The following RNLS variants were observed in gnomAD, a reference collection of about 807,000 sequenced individuals.
The protein encoded by RNLS is renalase.
In RNLS, 39 loss-of-function variants were observed where a neutral mutation model predicts 39.8. The observed-to-expected ratio is 0.98, with a 90% confidence interval of 0.76 to 1.28. The LOEUF is 1.28. RNLS is among the 50% of genes most tolerant of loss of function. RNLS has a pLI of 0.00. For missense variants in RNLS, 410 were observed against 413.3 expected (o/e 0.99, Z 0.07); for synonymous variants, 147 against 150.7 (o/e 0.98, Z 0.18).
intron 4 of RNLS, among the ~76,000 whole-genome samples, chr10:88,374,600 G>A (rs12217988): frequency 0.1 from 15,480 of 152,086 alleles, 1,002 homozygotes; most frequent in East Asian, 0.36. Flanking sequence ...CGATGATGAG[G>A]TGACATATGG....
chr10:88,576,523 T>C (rs968119439), intron 3 of RNLS, among the ~76,000 whole-genome samples: 1 of 152,204 alleles, frequency 6.6e-6, no homozygotes, highest in African/African-American at 2.4e-5. Context: ...AGGTGGGACC[T>C]GAAGTGATGT....
At chr10:88,451,836 C>T (rs1291977544) in intron 4 of RNLS, among the ~76,000 whole-genome samples, 1 of 152,130 alleles carries the variant, frequency 6.6e-6, no homozygotes, top group Non-Finnish European at 1.5e-5. Flanking sequence ...CTTTATTTTT[C>T]CTTTCTTCTC....
intron 6 of RNLS, among the ~76,000 whole-genome samples, chr10:88,310,611 C>A (rs931656351): frequency 3.3e-5 from 5 of 151,570 alleles, no homozygotes; most frequent in Admixed American, 3.3e-4. Context: ...GGCAACATAG[C>A]AAGACCCCGT....
At chr10:88,349,675 TTAAA>T (rs1243894364) in intron 5 of RNLS, among the ~76,000 whole-genome samples, 9 of 151,906 alleles carry the variant, frequency 5.9e-5, no homozygotes, top group Non-Finnish European at 1.2e-4. Flanking sequence ...GCCTATTAAT[TTAAA>T]TAACAAAAAA....
At chr10:88,557,193 T>A (rs1286811509) in intron 4 of RNLS, among the ~76,000 whole-genome samples, 2 of 152,218 alleles carry the variant, frequency 1.3e-5, no homozygotes, top group Non-Finnish European at 2.9e-5. Flanking sequence ...ATGCAAAAAG[T>A]ATCTAAAAAG....
intron 4 of RNLS, among the ~76,000 whole-genome samples, chr10:88,365,614 TATAAA>T (rs1850023928): frequency 1.3e-5 from 2 of 151,774 alleles, no homozygotes; most frequent in African/African-American, 2.4e-5. Flanking sequence ...ACATACATAA[TATAAA>T]ATATATTTTA....
At chr10:88,341,051 T>C (rs1847901982) in intron 5 of RNLS, among the ~76,000 whole-genome samples, 2 of 90,612 alleles carry the variant, frequency 2.2e-5, no homozygotes, top group South Asian at 4.1e-4. Flanking sequence ...AGAGCAAGAT[T>C]CTGTCTCAAA....
At chr10:88,381,809 T>C (rs750212060) in intron 4 of RNLS, among the ~76,000 whole-genome samples, 1 of 152,122 alleles carries the variant, frequency 6.6e-6, no homozygotes, top group Non-Finnish European at 1.5e-5. Context: ...CTACCATCCA[T>C]GGGCCAAATC....
At chr10:88,568,773 A>C (rs1174317483) in intron 4 of RNLS, among the ~76,000 whole-genome samples, 1 of 152,228 alleles carries the variant, frequency 6.6e-6, no homozygotes, top group Non-Finnish European at 1.5e-5. Context: ...GCACAGTAGC[A>C]TTACTTGTTT....
chr10:88,346,284 AC>A (rs2133252366), intron 5 of RNLS, among the ~76,000 whole-genome samples: 1 of 152,282 alleles, frequency 6.6e-6, no homozygotes, highest in South Asian at 2.1e-4. Context: ...GGTTTGTGTT[AC>A]GGGGCATCAT....
At chr10:88,256,709 G>A in the RNLS span, among the ~76,000 whole-genome samples, 9 of 152,098 alleles carry the variant, frequency 5.9e-5, no homozygotes, top group Non-Finnish European at 1.3e-4. Flanking sequence ...TTTAAAAACA[G>A]GCACAAAGCC....
At chr10:88,387,499 G>C (rs1052938260) in intron 4 of RNLS, among the ~76,000 whole-genome samples, 2 of 39,066 alleles carry the variant, frequency 5.1e-5, no homozygotes, top group Non-Finnish European at 8.4e-5. Flanking sequence ...GAGGAGAACA[G>C]AGCAAAAAAA....
chr10:88,360,326 G>A (rs1415203441), intron 5 of RNLS, among the ~76,000 whole-genome samples: 1 of 152,164 alleles, frequency 6.6e-6, no homozygotes, highest in African/African-American at 2.4e-5. Context: ...CACCCTCTTT[G>A]CTAGCACCTG....
intron 5 of RNLS, among the ~76,000 whole-genome samples, chr10:88,327,822 C>G (rs1394831151): frequency 1.3e-5 from 2 of 152,190 alleles, no homozygotes; most frequent in Non-Finnish European, 2.9e-5. Flanking sequence ...AGGCTGGTCT[C>G]AAACTCCTGA....
At chr10:88,448,251 T>C (rs1842158469) in intron 4 of RNLS, among the ~76,000 whole-genome samples, 1 of 152,164 alleles carries the variant, frequency 6.6e-6, no homozygotes, top group African/African-American at 2.4e-5. Context: ...GTGTTTGCAA[T>C]ATACTCATCT....
intron 5 of RNLS, 49 bp downstream of exon 5, chr10:88,362,503 T>G: frequency 6.4e-7 from 1 of 1,550,944 alleles, no homozygotes; most frequent in Non-Finnish European, 8.8e-7. Flanking sequence ...TTTCATGATC[T>G]ACACCCACCA....
At chr10:88,360,621 A>G (rs1849570127) in intron 5 of RNLS, among the ~76,000 whole-genome samples, 1 of 152,102 alleles carries the variant, frequency 6.6e-6, no homozygotes, top group Non-Finnish European at 1.5e-5. Context: ...TATTTTTAGT[A>G]GAGATAGGGT....
At chr10:88,475,717 G>A (rs1390784439) in intron 4 of RNLS, among the ~76,000 whole-genome samples, 1 of 152,034 alleles carries the variant, frequency 6.6e-6, no homozygotes, top group Non-Finnish European at 1.5e-5. Flanking sequence ...TGGCTTTTGG[G>A]GGGTGGGACT....
At chr10:88,571,660 T>C (rs1467419141) in intron 4 of RNLS, among the ~76,000 whole-genome samples, 1 of 152,206 alleles carries the variant, frequency 6.6e-6, no homozygotes, top group East Asian at 1.9e-4. Context: ...GTATCCTCCC[T>C]GCCCCAGTAC....
Sources: allele counts gnomAD v4.1 joint callset (sites outside exome capture counted in the v4.1 genomes callset), GRCh38; gene constraint gnomAD v4.1.1; transcripts MANE v1.5; gene names NCBI Gene and HGNC (gene_info 2026-07-23, HGNC 2026-07-21).